PLXNC1: variants seen among roughly 807,000 people sequenced by gnomAD.
The protein encoded by PLXNC1 is plexin C1.
A neutral mutation model predicts 178.2 loss-of-function variants in PLXNC1; 75 were observed. That is an observed-to-expected ratio of 0.42 (90% CI 0.35 to 0.51). The LOEUF is 0.51. PLXNC1 is among the 20% of genes least tolerant of loss of function. PLXNC1 has a pLI of 0.02. For synonymous variants in PLXNC1, 790 were observed against 779.9 expected (o/e 1.01, Z -0.22); for missense variants, 1,503 against 1,984.4 (o/e 0.76, Z 4.61).
chr12:94,188,278 A>G (rs1394595915), intron 4 of PLXNC1, among the ~76,000 whole-genome samples: 1 of 151,914 alleles, frequency 6.6e-6, no homozygotes, highest in African/African-American at 2.4e-5. Context: ...AATGAAGCAG[A>G]CACTGAAAGC....
At chr12:94,270,945 C>T (rs541509415) in intron 21 of PLXNC1, among the ~76,000 whole-genome samples, 20 of 152,088 alleles carry the variant, frequency 1.3e-4, no homozygotes, top group South Asian at 8.3e-4. Flanking sequence ...CAAAGGGGAA[C>T]GTCAGGCAGA....
At chr12:94,285,706 G>A (rs1321407166) in intron 23 of PLXNC1, among the ~76,000 whole-genome samples, 3 of 152,164 alleles carry the variant, frequency 2.0e-5, no homozygotes, top group East Asian at 1.9e-4. Context: ...CAGAGATGCT[G>A]CCCTGCTGGG....
intron 15 of PLXNC1, 108 bp from the exon 16 acceptor site, chr12:94,254,679 C>T (rs1162222115): frequency 4.1e-6 from 3 of 734,194 alleles, no homozygotes; most frequent in Non-Finnish European, 7.1e-6. Flanking sequence ...CTGTCCCTAT[C>T]TGTTTTGTTT....
intron 2 of PLXNC1, among the ~76,000 whole-genome samples, chr12:94,169,809 G>C (rs1961772881): frequency 6.6e-6 from 1 of 152,202 alleles, no homozygotes. Flanking sequence ...AGAGAGGTTA[G>C]AGATCTAAAA....
At chr12:94,233,677 C>T (rs989231077) in intron 9 of PLXNC1, among the ~76,000 whole-genome samples, 2 of 152,150 alleles carry the variant, frequency 1.3e-5, no homozygotes, top group Non-Finnish European at 2.9e-5. Flanking sequence ...CGAGGGGCCC[C>T]CGTGAAAAGG....
intron 23 of PLXNC1, among the ~76,000 whole-genome samples, chr12:94,289,851 C>T (rs1967105059): frequency 6.6e-6 from 1 of 151,806 alleles, no homozygotes; most frequent in Non-Finnish European, 1.5e-5. Context: ...CATACGCGCT[C>T]ACACACACAC....
chr12:94,271,253 T>C lies in PLXNC1; in HGVS notation c.3597+6028T>C, dbSNP rs1965549904. Among the ~76,000 whole-genome samples, 5 of 152,344 alleles carry C rather than the reference T, an allele frequency of 3.3e-5. No homozygotes were observed. In the South Asian group the frequency reaches 1.0e-3, roughly 32 times the overall value. On this transcript the variant is annotated intron_variant, in intron 21 of 30. Coordinates refer to ENST00000258526, the MANE Select transcript of PLXNC1 (RefSeq NM_005761.3). The stretch of plus-strand genomic sequence containing the variant: ...AGTTTGTAATAAATTATCTTACAGT[T>C]ACTTTCTAGGCATTATAAGGTATCA...
At chr12:94,212,163 A>G (rs1963490664) in intron 5 of PLXNC1, among the ~76,000 whole-genome samples, 1 of 150,368 alleles carries the variant, frequency 6.7e-6, no homozygotes, top group Admixed American at 6.7e-5. Context: ...AGTCCCAGCT[A>G]CTTGGGAGGC....
chr12:94,230,934 G>A (rs1399489033), intron 9 of PLXNC1, among the ~76,000 whole-genome samples: 4 of 152,104 alleles, frequency 2.6e-5, no homozygotes, highest in African/African-American at 9.7e-5. Flanking sequence ...CAAGTATACC[G>A]ACCTCCACAG....
At chr12:94,218,486 C>T (rs1963706074) in intron 5 of PLXNC1, among the ~76,000 whole-genome samples, 1 of 152,022 alleles carries the variant, frequency 6.6e-6, no homozygotes, top group Non-Finnish European at 1.5e-5. Flanking sequence ...ATAAGGTTAC[C>T]ACTTCCTGCA....
chr12:94,177,190 TA>T (rs2135953282), intron 2 of PLXNC1, among the ~76,000 whole-genome samples: 1 of 11,112 alleles, frequency 9.0e-5, no homozygotes, highest in Non-Finnish European at 1.8e-4. Flanking sequence ...TATATATGTA[TA>T]TATATATACG....
intron 21 of PLXNC1, among the ~76,000 whole-genome samples, chr12:94,273,907 G>T (rs1342125141): frequency 6.6e-6 from 1 of 152,032 alleles, no homozygotes; most frequent in East Asian, 1.9e-4. Context: ...CTCCAAGCCG[G>T]TCCCTACATT....
chr12:94,156,924 A>G (rs1961196183), intron 1 of PLXNC1, among the ~76,000 whole-genome samples: 2 of 152,008 alleles, frequency 1.3e-5, no homozygotes, highest in African/African-American at 4.8e-5. Context: ...TATGTTGCCC[A>G]TGCTGGTCTC....
intron 24 of PLXNC1, among the ~76,000 whole-genome samples, chr12:94,296,062 T>C (rs566140160): frequency 1.3e-5 from 2 of 152,342 alleles, no homozygotes; most frequent in South Asian, 4.1e-4. Flanking sequence ...TCCAACCTTC[T>C]TGGTATCCTT....
At chr12:94,293,902 G>A (rs796960297) in intron 23 of PLXNC1, among the ~76,000 whole-genome samples, 7 of 152,214 alleles carry the variant, frequency 4.6e-5, no homozygotes, top group African/African-American at 1.2e-4. Context: ...TCGCAGGAGT[G>A]AGGCACCACG....
intron 5 of PLXNC1, among the ~76,000 whole-genome samples, chr12:94,212,102 G>A (rs578090139): frequency 4.0e-5 from 6 of 151,634 alleles, no homozygotes; most frequent in East Asian, 1.9e-4. Context: ...GTGAAACCCC[G>A]TCTCTACTAA....
At chr12:94,300,806 C>A in intron 27 of PLXNC1, 104 bp from the exon 28 acceptor site, 1 of 1,057,768 alleles carries the variant, frequency 9.5e-7, no homozygotes, top group Non-Finnish European at 1.4e-6. Flanking sequence ...GAGTTGTATA[C>A]TTCAATAACA....
chr12:94,297,249 C>T, intron 25 of PLXNC1, 29 bp downstream of exon 25: 1 of 1,613,872 alleles, frequency 6.2e-7, no homozygotes. Context: ...GTGCTCACCA[C>T]TGAACTGCAT....
intron 4 of PLXNC1, among the ~76,000 whole-genome samples, chr12:94,205,453 T>A (rs571566018): frequency 6.6e-6 from 1 of 152,214 alleles, no homozygotes; most frequent in African/African-American, 2.4e-5. Context: ...TAAAGTTACA[T>A]TATGGATAAG....
Sources: allele counts gnomAD v4.1 joint callset (sites outside exome capture counted in the v4.1 genomes callset), GRCh38; gene constraint gnomAD v4.1.1; transcripts MANE v1.5; gene names NCBI Gene and HGNC (gene_info 2026-07-23, HGNC 2026-07-21).